Variants in INPP4A observed in about 807,000 individuals in gnomAD.
INPP4A encodes the protein inositol polyphosphate-4-phosphatase type I A.
In INPP4A, 33 loss-of-function variants were observed where a neutral mutation model predicts 119.8. The observed-to-expected ratio is 0.28, with a 90% CI of 0.21 to 0.37. The LOEUF (loss-of-function observed/expected upper bound fraction) is 0.37. Among genes scored for constraint, INPP4A ranks in the 10% least tolerant of loss-of-function variants. The probability of loss-of-function intolerance (pLI) is 1.00; values close to 1 mark genes in which losing one functional copy is unlikely to be tolerated. For missense variants in INPP4A, 956 were observed against 1,289.9 expected, an observed-to-expected ratio of 0.74 and a Z score of 3.97; for synonymous variants, 496 against 500.7, an observed-to-expected ratio of 0.99 and a Z score of 0.12.
chr2:98,538,300 GGC>G (rs759969707), intron 8 of INPP4A, among the ~76,000 whole-genome samples: 8 of 152,198 alleles, frequency 5.3e-5, no homozygotes, highest in Non-Finnish European at 1.0e-4. Flanking sequence ...TGAGCAAAGA[GGC>G]ATTTAGGACC....
intron 4 of INPP4A, among the ~76,000 whole-genome samples, chr2:98,522,064 G>T (rs1005770988): frequency 1.2e-4 from 19 of 152,074 alleles, no homozygotes; most frequent in African/African-American, 4.3e-4. Flanking sequence ...AAGGTGGGCG[G>T]ATCACATGAG....
intron 1 of INPP4A, among the ~76,000 whole-genome samples, chr2:98,474,855 T>C (rs1447813234): frequency 6.6e-6 from 1 of 152,180 alleles, no homozygotes; most frequent in African/African-American, 2.4e-5. Context: ...ACAAAAGTTA[T>C]TTTTAATTAA....
intron 13 of INPP4A, among the ~76,000 whole-genome samples, chr2:98,548,150 G>T (rs1206670351): frequency 6.6e-6 from 1 of 152,166 alleles, no homozygotes; most frequent in Non-Finnish European, 1.5e-5. Flanking sequence ...AGCGTACCCT[G>T]TGAGAAGTCA....
chr2:98,571,049 G>A (rs1440994898), intron 22 of INPP4A, among the ~76,000 whole-genome samples: 2 of 152,304 alleles, frequency 1.3e-5, no homozygotes, highest in African/African-American at 4.8e-5. Flanking sequence ...TCAAGGTCCT[G>A]CGAGGACTTG....
chr2:98,538,664 T>C (rs943923184), intron 8 of INPP4A, among the ~76,000 whole-genome samples: 1 of 152,236 alleles, frequency 6.6e-6, no homozygotes, highest in African/African-American at 2.4e-5. Context: ...CAAGGTGAAG[T>C]GACTGAGAAA....
At chr2:98,508,867 T>C (rs1006546393) in intron 1 of INPP4A, among the ~76,000 whole-genome samples, 3 of 152,170 alleles carry the variant, frequency 2.0e-5, no homozygotes, top group Non-Finnish European at 2.9e-5. Context: ...GTCTGTGGTA[T>C]TGTGAAATTG....
intron 13 of INPP4A, among the ~76,000 whole-genome samples, chr2:98,551,055 A>T (rs1180253222): frequency 6.6e-6 from 1 of 151,992 alleles, no homozygotes; most frequent in African/African-American, 2.4e-5. Flanking sequence ...TCCTGGGCTC[A>T]GTTGACCCTC....
At chr2:98,494,735 GA>G (rs1681584334) in intron 1 of INPP4A, among the ~76,000 whole-genome samples, 1 of 152,178 alleles carries the variant, frequency 6.6e-6, no homozygotes, top group African/African-American at 2.4e-5. Flanking sequence ...TCTGGGATCA[GA>G]ACAAACCTCA....
intron 4 of INPP4A, among the ~76,000 whole-genome samples, chr2:98,525,953 A>G (rs1688107756): frequency 6.6e-6 from 1 of 152,256 alleles, no homozygotes. Flanking sequence ...TTTTAGTTGT[A>G]TGTAATTATG....
intron 1 of INPP4A, among the ~76,000 whole-genome samples, chr2:98,473,292 AGT>A (rs1175281217): frequency 4.3e-5 from 6 of 139,160 alleles, no homozygotes; most frequent in Non-Finnish European, 7.7e-5. Context: ...TGGAGTGGAG[AGT>A]GTGGCGGGTA....
At chr2:98,523,778 T>G (rs1336620907) in intron 4 of INPP4A, among the ~76,000 whole-genome samples, 1 of 152,212 alleles carries the variant, frequency 6.6e-6, no homozygotes, top group African/African-American at 2.4e-5. Context: ...ACTTTAAATT[T>G]TTAAAAAAGT....
intron 1 of INPP4A, among the ~76,000 whole-genome samples, chr2:98,473,269 C>T (rs1325338991): frequency 2.7e-5 from 1 of 37,528 alleles, no homozygotes; most frequent in Non-Finnish European, 5.2e-5. Context: ...TAGAGTGTGG[C>T]GGGTAGTGTG....
chr2:98,520,129 C>A lies in INPP4A; in HGVS notation c.81C>A (p.Ala27=). 1 of 1,562,016 alleles carries A rather than the reference C, an allele frequency of 6.4e-7. No homozygotes were observed. Among genetic ancestry groups the A allele is most frequent in the East Asian group, 2.4e-5 (1 of 41,762 alleles). Residue 27 remains alanine, a synonymous_variant, in exon 3 of 25, where the codon GCC becomes GCA. Coordinates refer to ENST00000409851, the MANE Select transcript of INPP4A (RefSeq NM_001134225.2). ...GGGCTTCCACCATCGACGTGGCGGC[C>A]GACATGCTGGGCCTCTCTCTGGCAG... ...MQRASTIDVA[A]DMLGLSLAGN...
At chr2:98,464,048 G>C (rs556246818) in intron 1 of INPP4A, among the ~76,000 whole-genome samples, 1 of 152,350 alleles carries the variant, frequency 6.6e-6, no homozygotes, top group Admixed American at 6.5e-5. Flanking sequence ...CTGTTTTTAG[G>C]AAGTGAATAG....
At chr2:98,460,859 G>A (rs756800399) in intron 1 of INPP4A, among the ~76,000 whole-genome samples, 11 of 152,178 alleles carry the variant, frequency 7.2e-5, no homozygotes, top group Non-Finnish European at 1.5e-4. Context: ...GAGAAGAATC[G>A]TCTGCGCCCC....
At chr2:98,471,308 T>TGACC (rs1488135144) in intron 1 of INPP4A, among the ~76,000 whole-genome samples, 4 of 152,224 alleles carry the variant, frequency 2.6e-5, no homozygotes, top group African/African-American at 9.6e-5. Context: ...AAAGGATGAA[T>TGACC]GACCCTGTTG....
chr2:98,523,967 T>C (rs1687714107), intron 4 of INPP4A, among the ~76,000 whole-genome samples: 1 of 152,198 alleles, frequency 6.6e-6, no homozygotes, highest in Non-Finnish European at 1.5e-5. Flanking sequence ...CCTAGTGCTC[T>C]TGACATTCTT....
At chr2:98,579,437 A>G (rs1227127176) in intron 24 of INPP4A, among the ~76,000 whole-genome samples, 1 of 152,270 alleles carries the variant, frequency 6.6e-6, no homozygotes, top group Non-Finnish European at 1.5e-5. Flanking sequence ...TCAAAGGTGC[A>G]GTGAATATCC....
chr2:98,589,317 A>G lies in INPP4A; in HGVS notation c.*1709A>G, dbSNP rs1167431132. 4 of 186,002 alleles carry G rather than the reference A, an allele frequency of 2.2e-5. No homozygotes were observed. Among genetic ancestry groups the G allele is most frequent in the Non-Finnish European group, 4.5e-5 (4 of 87,998 alleles). The allele number at this position is 186,002 out of a possible 1,614,324, so 11.5% of individuals were successfully genotyped here. On this transcript the variant is annotated 3_prime_UTR_variant, in exon 25 of 25. Transcript: ENST00000409851. ...TCTGTTCACAGACAGTTTGTTTTCAATATGGCTGATTTACCCTTTCACCTC... is the reference window on the plus strand; with the variant it reads ...TCTGTTCACAGACAGTTTGTTTTCAGTATGGCTGATTTACCCTTTCACCTC...
Sources: allele counts gnomAD v4.1 joint callset (sites outside exome capture counted in the v4.1 genomes callset), GRCh38; gene constraint gnomAD v4.1.1; transcripts MANE v1.5; gene names NCBI Gene and HGNC (gene_info 2026-07-23, HGNC 2026-07-21).